Variants in NHERF4 observed in about 807,000 individuals in gnomAD.
The protein encoded by NHERF4 is Na(+)/H(+) exchange regulatory cofactor NHE-RF4.
At chr11:119,185,773 TGAGAA>T in the NHERF4 span, 331 of 1,007,762 alleles carry the variant, frequency 3.3e-4, no homozygotes, top group African/African-American at 2.4e-3. Context: ...TGTATGGCAG[TGAGAA>T]GAGAAGACCC....
chr11:119,187,345 C>A, the NHERF4 span: 6 of 1,613,496 alleles, frequency 3.7e-6, no homozygotes, highest in Non-Finnish European at 5.1e-6. Flanking sequence ...TGACGTGGCC[C>A]GAGCTCAGCT....
chr11:119,187,140 CAAAAAA>C, the NHERF4 span: 15 of 507,358 alleles, frequency 3.0e-5, no homozygotes, highest in South Asian at 1.2e-4. Flanking sequence ...AACTCCATCT[CAAAAAA>C]AAAAAAAAAA....
the NHERF4 span, chr11:119,186,351 C>T: frequency 1.9e-6 from 3 of 1,555,274 alleles, no homozygotes; most frequent in Non-Finnish European, 2.6e-6. This position sits in a 1 kb window ranked among gnomAD's most constrained non-coding sequence, Gnocchi z 4.4. Flanking sequence ...ACCCCACCAC[C>T]CAACACCCAA....
chr11:119,190,148 TA>T, the NHERF4 span: 2 of 784,228 alleles, frequency 2.6e-6, no homozygotes, highest in Non-Finnish European at 3.8e-6. The surrounding 1 kb of genome is among the most constrained non-coding windows in gnomAD (Gnocchi z 4.2). Context: ...CAGCCACTCC[TA>T]AAAATAAACA....
the NHERF4 span, chr11:119,187,153 A>AAAAAAG: frequency 4.6e-6 from 4 of 873,298 alleles, no homozygotes; most frequent in African/African-American, 1.7e-5. Context: ...AAAAAAAAAA[A>AAAAAAG]AAAAAGAAAA....
chr11:119,188,141 C>G, the NHERF4 span: 3 of 1,539,224 alleles, frequency 1.9e-6, no homozygotes, highest in South Asian at 3.6e-5. Context: ...TGACGGTCGC[C>G]CTGGTGAGTG....
the NHERF4 span, chr11:119,188,990 C>T: frequency 6.2e-7 from 1 of 1,613,890 alleles, no homozygotes; most frequent in Non-Finnish European, 8.5e-7. Context: ...GTTCTGCATG[C>T]CCCCACAACA....
At chr11:119,187,412 G>A in the NHERF4 span, 1 of 1,614,146 alleles carries the variant, frequency 6.2e-7, no homozygotes, top group Non-Finnish European at 8.5e-7. Flanking sequence ...CCCCGGCTGT[G>A]CCACATAGTG....
chr11:119,190,183 AAACT>A, the NHERF4 span: 1 of 1,067,690 alleles, frequency 9.4e-7, no homozygotes, highest in Middle Eastern at 3.3e-4. The surrounding 1 kb of genome is among the most constrained non-coding windows in gnomAD (Gnocchi z 4.2). Flanking sequence ...AAAAAGAAGA[AAACT>A]AAATAAAAAT....
At chr11:119,188,741 T>C in the NHERF4 span, 1 of 1,614,208 alleles carries the variant, frequency 6.2e-7, no homozygotes, top group Non-Finnish European at 8.5e-7. Flanking sequence ...ACCCTTCACT[T>C]GAAGACACAA....
At chr11:119,188,670 A>G in the NHERF4 span, 1 of 1,614,070 alleles carries the variant, frequency 6.2e-7, no homozygotes, top group Non-Finnish European at 8.5e-7. Flanking sequence ...CTTCTTGGAG[A>G]ACACAGAGGC....
the NHERF4 span, chr11:119,185,977 A>G: frequency 4.3e-6 from 7 of 1,614,098 alleles, no homozygotes; most frequent in Non-Finnish European, 5.9e-6. Context: ...GGTTGGGGCA[A>G]GGGGAGGAAA....
chr11:119,187,187 C>CA, the NHERF4 span: 14 of 1,138,886 alleles, frequency 1.2e-5, no homozygotes, highest in South Asian at 2.1e-5. Flanking sequence ...ATTCCCTTGG[C>CA]AAAAAAATGT....
the NHERF4 span, chr11:119,187,826 C>G: frequency 7.5e-6 from 11 of 1,462,296 alleles, no homozygotes; most frequent in Admixed American, 3.0e-4. Flanking sequence ...CATCCTCCCC[C>G]TCTACAGTTT....
the NHERF4 span, chr11:119,186,463 C>T: frequency 9.9e-6 from 16 of 1,613,804 alleles, 1 homozygote; most frequent in Middle Eastern, 3.3e-4. The surrounding 1 kb of genome is among the most constrained non-coding windows in gnomAD (Gnocchi z 4.4). Flanking sequence ...TTTCTGCTGC[C>T]CACCTCACCC....
At chr11:119,187,638 C>T in the NHERF4 span, 11 of 1,562,644 alleles carry the variant, frequency 7.0e-6, no homozygotes, top group East Asian at 2.4e-5. Context: ...CCCCGGGGCC[C>T]GGCTGCTGGA....
chr11:119,188,690 G>T, the NHERF4 span: 11 of 1,614,102 alleles, frequency 6.8e-6, no homozygotes, highest in Non-Finnish European at 9.3e-6. Flanking sequence ...CTCCCGCCTC[G>T]CCCCGGGGCA....
At chr11:119,186,676 G>T in the NHERF4 span, 1 of 1,606,822 alleles carries the variant, frequency 6.2e-7, no homozygotes, top group South Asian at 1.1e-5. This position sits in a 1 kb window ranked among gnomAD's most constrained non-coding sequence, Gnocchi z 4.4. Flanking sequence ...TGTGGAACAC[G>T]AAGACTATGC....
chr11:119,186,320 TC>T, the NHERF4 span: 1 of 1,571,624 alleles, frequency 6.4e-7, no homozygotes. This position sits in a 1 kb window ranked among gnomAD's most constrained non-coding sequence, Gnocchi z 4.4. Context: ...TTTTCTCCTG[TC>T]CCAGTCCCTC....
Sources: allele counts gnomAD v4.1 joint callset, GRCh38; gene constraint gnomAD v4.1.1; non-coding constraint Gnocchi (gnomAD v3.1); transcripts MANE v1.5; gene names NCBI Gene and HGNC (gene_info 2026-07-23, HGNC 2026-07-21).